Variants in AWAT1 observed in about 807,000 individuals in gnomAD.
The protein encoded by AWAT1 is diacyl-glycerol acyltransferase 2.
A neutral mutation model predicts 21.6 loss-of-function variants in AWAT1; 26 were observed. The ratio of observed to expected loss-of-function variants is 1.20; its 90% CI spans 0.88 to 1.67. AWAT1 has a LOEUF of 1.67. Ranked by LOEUF, AWAT1 falls within the 40% of genes most tolerant of loss-of-function variation. The probability of loss-of-function intolerance (pLI) is 0.00; values close to 1 mark genes in which losing one functional copy is unlikely to be tolerated. For missense variants in AWAT1, 264 were observed against 249.4 expected (o/e 1.06, Z -0.39); for synonymous variants, 102 against 99.3 (o/e 1.03, Z -0.16).
At chrX:70,238,493 C>A in intron 5 of AWAT1, 110 bp downstream of exon 5, 4 of 850,471 alleles carry the variant, frequency 4.7e-6, no homozygotes, top group Admixed American at 8.0e-5. Flanking sequence ...GAACATACTA[C>A]CAAGTAAGAA....
In AWAT1 at chrX:70,240,161, A is replaced by T; in HGVS notation, c.858A>T (p.Gln286His). 1 of 1,211,432 alleles carries T rather than the reference A, an allele frequency of 8.3e-7. No homozygotes were observed. The highest frequency in any genetic ancestry group is 1.1e-6 in the Non-Finnish European group (1 of 895,353). The change falls in exon 7 of 7, where the codon CAA becomes CAT. Residue 286 changes from glutamine to histidine, a missense_variant. By Grantham distance (24) the Gln-to-His change is conservative (BLOSUM62 0). Transcript: ENST00000374521. The part of the protein sequence containing the change: ...TVVGEPLPLP[Q>H]IEKPSQEMVD... Reference sequence around the variant, plus strand: ...TTGGGGAGCCTCTGCCACTGCCCCAAATTGAAAAGCCAAGCCAGGAGATGG... The same window carrying T: ...TTGGGGAGCCTCTGCCACTGCCCCATATTGAAAAGCCAAGCCAGGAGATGG...
At position 70,234,846 on chromosome X, in the gene AWAT1, G is replaced by C. The variant is rs1215647842; in HGVS notation, c.76+75G>C. 27 of 938,489 alleles carry C rather than the reference G, an allele frequency of 2.9e-5. No homozygotes were observed. In the African/African-American group the frequency reaches 4.3e-4, roughly 15 times the overall value. The allele number at this position is 938,489 out of a possible 1,213,427, so 77.3% of individuals were successfully genotyped here. On this transcript the variant is annotated intron_variant, in intron 1 of 6. Coordinates refer to ENST00000374521, the MANE Select transcript of AWAT1 (RefSeq NM_001013579.3). ...GGGCCAGATCTAGGGTGACTTTTAG[G>C]GCCATGTGAAGTCTCATTTTGAGCC... is the stretch of plus-strand genomic sequence containing the variant.
At position 70,239,940 on chromosome X, in the gene AWAT1, T is replaced by C. The variant is rs770319703; in HGVS notation, c.832+6T>C. The C allele has an allele frequency of 5.0e-6, 6 of 1,203,823 alleles. No individual in the cohort carries two copies. In the East Asian group the frequency reaches 1.8e-4, roughly 36 times the overall value. On this transcript the variant is annotated splice_donor_region_variant and intron_variant, in intron 6 of 6. Transcript: ENST00000374521. Reference sequence around the variant, plus strand: ...CAGGCCTATTGTCACTGTGGGTGAGTGCCACTCTCAGCCCCAGTGCCACCT... The same window carrying C: ...CAGGCCTATTGTCACTGTGGGTGAGCGCCACTCTCAGCCCCAGTGCCACCT...
rs747619980 is a variant in AWAT1, at chrX:70,240,332, TGAA to T, written c.*48_*50del. 2 of 1,176,152 alleles carry T rather than the reference TGAA, an allele frequency of 1.7e-6. No homozygotes were observed. The highest frequency in any genetic ancestry group is 2.3e-5 in the Admixed American group (1 of 44,401). On this transcript the variant is annotated 3_prime_UTR_variant, in exon 7 of 7. Coordinates refer to ENST00000374521, the MANE Select transcript of AWAT1 (RefSeq NM_001013579.3). ...CCCAGGAGCACAGGAGTGCCTGCCT[TGAA>T]GAAGAGACTCATCTGCCACTAACCA... is the stretch of plus-strand genomic sequence containing the variant.
intron 1 of AWAT1, among the ~76,000 whole-genome samples, chrX:70,235,297 C>G (rs758729777): frequency 2.3e-4 from 25 of 110,637 alleles, no homozygotes; most frequent in African/African-American, 8.2e-4. Context: ...GATGCAGATG[C>G]TGGATGGGCA....
intron 4 of AWAT1, 134 bp from the exon 5 acceptor site, chrX:70,238,078 A>T: frequency 1.7e-6 from 1 of 578,556 alleles, no homozygotes; most frequent in Admixed American, 4.0e-5. Flanking sequence ...TTTCTTCTCC[A>T]CACTCTTTAG....
Position 70,236,524 on chromosome X carries a change from CAGA to C in AWAT1, c.255+388_255+390del, listed in dbSNP as rs2085515150. 2.7e-5 allele frequency among the ~76,000 whole-genome samples: 3 copies of C among 111,739 alleles called. No individual in the cohort carries two copies. The South Asian group carries it at 1.1e-3, about 42-fold the overall frequency. ...TATATTATTTGTTTGGCACAAGGTA[CAGA>C]AGTAGTTCAGATGCGGGATAAGGAA... is the stretch of plus-strand genomic sequence containing the variant. On this transcript the variant is annotated intron_variant, in intron 3 of 6. Coordinates refer to ENST00000374521, the MANE Select transcript of AWAT1 (RefSeq NM_001013579.3).
intron 1 of AWAT1, among the ~76,000 whole-genome samples, chrX:70,235,434 GA>G (rs963929174): frequency 5.4e-5 from 6 of 110,274 alleles, no homozygotes; most frequent in East Asian, 2.8e-4. Flanking sequence ...GGGGCAGGAG[GA>G]AAAAAAACTG....
intron 3 of AWAT1, 109 bp from the exon 4 acceptor site, chrX:70,236,935 T>A: frequency 2.8e-6 from 2 of 709,980 alleles, no homozygotes; most frequent in South Asian, 5.3e-5. Flanking sequence ...AGGAAATCTG[T>A]TGGAAAGCTC....
At chrX:70,235,069 G>C (rs920170892) in intron 1 of AWAT1, among the ~76,000 whole-genome samples, 1 of 110,951 alleles carries the variant, frequency 9.0e-6, no homozygotes, top group Admixed American at 9.7e-5. Context: ...ACTATCTAGA[G>C]AGGAAAAGTG....
chrX:70,240,190 A>G lies in AWAT1; in HGVS notation c.887A>G (p.Asp296Gly). 2.5e-6 allele frequency: 3 copies of G among 1,211,552 alleles called. No individual in the cohort carries two copies. The highest frequency in any genetic ancestry group is 3.4e-6 in the Non-Finnish European group (3 of 895,170). ...GAAAAGCCAAGCCAGGAGATGGTGG[A>G]CAAATACCATGCACTTTATATGGAT... ...QIEKPSQEMV[D>G]KYHALYMDAL... is the part of the protein sequence containing the mutation. Residue 296 changes from aspartate to glycine, a missense_variant, in exon 7 of 7, where the codon GAC becomes GGC. Coordinates refer to ENST00000374521, the MANE Select transcript of AWAT1 (RefSeq NM_001013579.3).
chrX:70,238,798 T>C (rs754520896), intron 5 of AWAT1, among the ~76,000 whole-genome samples: 1 of 112,385 alleles, frequency 8.9e-6, no homozygotes, highest in Non-Finnish European at 1.9e-5. Context: ...CCTTGGTGTT[T>C]TTCATCTTAA....
At position 70,238,360 on chromosome X, in the gene AWAT1, C is replaced by T. The variant is rs777150207; in HGVS notation, c.609C>T (p.Phe203=). The change falls in exon 5 of 7, where the codon TTC becomes TTT. Residue 203 remains phenylalanine (F), a synonymous_variant. Coordinates refer to ENST00000374521, the MANE Select transcript of AWAT1 (RefSeq NM_001013579.3). Reference sequence around the variant, plus strand: ...TCATCCTCCAGAAGCGCAAGGGGTTCGTGCGCACAGCCCTCCAGCATGGGT... The same window carrying T: ...TCATCCTCCAGAAGCGCAAGGGGTTTGTGCGCACAGCCCTCCAGCATGGGT... The part of the protein sequence containing the change: ...TTLILQKRKG[F]VRTALQHGAH... 65 of 1,200,178 alleles carry T rather than the reference C, an allele frequency of 5.4e-5. No homozygotes were observed. In the Middle Eastern group the frequency reaches 1.2e-3, roughly 22 times the overall value.
chrX:70,234,760 A>G lies in AWAT1; in HGVS notation c.65A>G (p.Tyr22Cys), dbSNP rs758323559. 8.3e-7 allele frequency: 1 copy of G among 1,208,468 alleles called. No individual in the cohort carries two copies. The highest frequency in any genetic ancestry group is 3.0e-5 in the East Asian group (1 of 33,797). The change falls in exon 1 of 7, where the codon TAC (tyrosine) becomes TGC (cysteine). Residue 22 changes from tyrosine to cysteine, a missense_variant. Coordinates refer to ENST00000374521, the MANE Select transcript of AWAT1 (RefSeq NM_001013579.3). ...SLMLLQWPLS[Y>C]LAIFWILQPL... ...ATGCTTCTGCAGTGGCCTTTGAGCT[A>G]CCTTGCCATCTGTGAGTATTGACCC...
chrX:70,235,024 T>C (rs753900132), intron 1 of AWAT1, among the ~76,000 whole-genome samples: 1 of 109,826 alleles, frequency 9.1e-6, no homozygotes, highest in South Asian at 4.0e-4. Context: ...TGGATATGAG[T>C]AGATCTAGTT....
In AWAT1 at chrX:70,237,403, G is replaced by A. The variant is rs184751068; in HGVS notation, c.460+155G>A. The stretch of plus-strand genomic sequence containing the variant: ...TTCTAGAGCTAAGCTGCCTGGCATT[G>A]AACCCTCCTAGCTCTACCACTTGTG... On this transcript the variant is annotated intron_variant, in intron 4 of 6. Coordinates refer to ENST00000374521, the MANE Select transcript of AWAT1 (RefSeq NM_001013579.3). The A allele has an allele frequency of 9.0e-5, 45 of 501,937 alleles. No individual in the cohort carries two copies. The African/African-American group carries it at 9.8e-4, about 11-fold the overall frequency. The allele number at this position is 501,937 out of a possible 1,213,427, so 41.4% of individuals were successfully genotyped here.
intron 2 of AWAT1, 100 bp downstream of exon 2, chrX:70,235,923 C>T (rs1228579109): frequency 1.1e-6 from 1 of 939,057 alleles, no homozygotes; most frequent in Non-Finnish European, 1.5e-6. Context: ...GTTCTCAGAG[C>T]CACAGGAGCT....
At chrX:70,235,605 T>G in intron 1 of AWAT1, 111 bp from the exon 2 acceptor site, 1 of 564,701 alleles carries the variant, frequency 1.8e-6, no homozygotes, top group Non-Finnish European at 3.1e-6. Context: ...ACCTGGATTG[T>G]GTTGAGGGCC....
At chrX:70,239,995 C>T in intron 6 of AWAT1, 61 bp downstream of exon 6, 4 of 1,162,627 alleles carry the variant, frequency 3.4e-6, no homozygotes, top group Non-Finnish European at 4.7e-6. Context: ...CTCAGCCTGG[C>T]CCCACCAAAG....
Sources: allele counts gnomAD v4.1 joint callset (sites outside exome capture counted in the v4.1 genomes callset), GRCh38; gene constraint gnomAD v4.1.1; transcripts MANE v1.5; gene names NCBI Gene and HGNC (gene_info 2026-07-23, HGNC 2026-07-21).